Variants in ATRNL1 observed in about 807,000 individuals in gnomAD.
The protein encoded by ATRNL1 is attractin-like protein 1.
Under a neutral mutation model 182.7 loss-of-function variants are expected in ATRNL1, and 95 were observed. The observed-to-expected ratio is 0.52, with a 90% CI of 0.44 to 0.62. The LOEUF (loss-of-function observed/expected upper bound fraction) is 0.62. ATRNL1 is among the 20% of genes least tolerant of loss of function. ATRNL1 has a pLI of 0.00. For missense variants in ATRNL1, 1,471 were observed against 1,679.5 expected (o/e 0.88, Z 2.17); for synonymous variants, 576 against 568.3 (o/e 1.01, Z -0.19).
At chr10:115,381,899 T>C (rs1199051560) in intron 19 of ATRNL1, among the ~76,000 whole-genome samples, 3 of 152,078 alleles carry the variant, frequency 2.0e-5, no homozygotes, top group Non-Finnish European at 4.4e-5. Flanking sequence ...GGAGTCCAAG[T>C]CTATTTTTTT....
At chr10:115,790,744 C>T (rs1482759220) in intron 27 of ATRNL1, among the ~76,000 whole-genome samples, 2 of 151,654 alleles carry the variant, frequency 1.3e-5, no homozygotes, top group Non-Finnish European at 2.9e-5. Context: ...GCTTTTCTAG[C>T]TTTATTCTCT....
intron 9 of ATRNL1, among the ~76,000 whole-genome samples, chr10:115,229,074 A>G (rs1554899364): frequency 6.6e-6 from 1 of 151,998 alleles, no homozygotes; most frequent in Non-Finnish European, 1.5e-5. Context: ...CCCAACTTCA[A>G]TTATATTTCT....
chr10:115,621,917 A>G (rs1481416408), intron 26 of ATRNL1, among the ~76,000 whole-genome samples: 4 of 152,212 alleles, frequency 2.6e-5, no homozygotes, highest in African/African-American at 7.2e-5. Context: ...TATCTAAGTC[A>G]GATCTCAAAT....
intron 20 of ATRNL1, among the ~76,000 whole-genome samples, chr10:115,408,503 AC>A (rs2134329140): frequency 6.6e-6 from 1 of 151,972 alleles, no homozygotes; most frequent in South Asian, 2.1e-4. Context: ...ATAGTTTGCA[AC>A]CCATTCTGTG....
intron 26 of ATRNL1, among the ~76,000 whole-genome samples, chr10:115,675,762 T>C (rs1945841529): frequency 6.6e-6 from 1 of 152,122 alleles, no homozygotes; most frequent in Non-Finnish European, 1.5e-5. Context: ...AGTGCTACTG[T>C]GTGCCAGATA....
chr10:115,568,020 T>C (rs1218149095), intron 26 of ATRNL1, among the ~76,000 whole-genome samples: 1 of 152,146 alleles, frequency 6.6e-6, no homozygotes, highest in Non-Finnish European at 1.5e-5. Flanking sequence ...TAGAATTACT[T>C]ATTTTTTCTT....
chr10:115,121,945 T>C, intron 3 of ATRNL1, 133 bp downstream of exon 3: 1 of 448,336 alleles, frequency 2.2e-6, no homozygotes. Flanking sequence ...TTATAATACT[T>C]TGTTATGTGC....
At chr10:115,207,741 A>T (rs1848856468) in intron 8 of ATRNL1, among the ~76,000 whole-genome samples, 1 of 151,950 alleles carries the variant, frequency 6.6e-6, no homozygotes, top group Non-Finnish European at 1.5e-5. Context: ...GTGGTTTCTG[A>T]TGAAAAGACA....
At chr10:115,279,709 A>G (rs999367787) in intron 13 of ATRNL1, among the ~76,000 whole-genome samples, 1 of 152,192 alleles carries the variant, frequency 6.6e-6, no homozygotes, top group Non-Finnish European at 1.5e-5. Flanking sequence ...GGATACTTAG[A>G]CTTGCTTGCA....
At chr10:115,463,159 T>C (rs1157153349) in intron 22 of ATRNL1, among the ~76,000 whole-genome samples, 3 of 151,926 alleles carry the variant, frequency 2.0e-5, no homozygotes, top group Non-Finnish European at 2.9e-5. Flanking sequence ...ACTTCTTTCC[T>C]TTTAACGTAG....
At chr10:115,368,282 G>A (rs1242706223) in intron 19 of ATRNL1, among the ~76,000 whole-genome samples, 5 of 152,326 alleles carry the variant, frequency 3.3e-5, no homozygotes, top group East Asian at 1.9e-4. Flanking sequence ...GGAGTGACCC[G>A]ATTTTCCAGG....
chr10:115,480,145 G>T (rs1009966521), intron 24 of ATRNL1, among the ~76,000 whole-genome samples: 1 of 150,816 alleles, frequency 6.6e-6, no homozygotes, highest in Non-Finnish European at 1.5e-5. Context: ...GAATCCTAGT[G>T]CTGATGTCTA....
intron 26 of ATRNL1, among the ~76,000 whole-genome samples, chr10:115,689,218 T>G (rs1946314626): frequency 6.6e-6 from 1 of 152,210 alleles, no homozygotes; most frequent in Non-Finnish European, 1.5e-5. Context: ...TAATATGTTT[T>G]GAAGTCAAGT....
At chr10:115,528,001 CCTT>C (rs1565133335) in intron 25 of ATRNL1, among the ~76,000 whole-genome samples, 244 of 12,274 alleles carry the variant, frequency 0.02, 7 homozygotes, top group African/African-American at 0.091. Context: ...TCCCTCCCTT[CCTT>C]CCTTCCTTCC....
intron 5 of ATRNL1, among the ~76,000 whole-genome samples, chr10:115,135,055 T>A (rs1220664639): frequency 6.6e-6 from 1 of 152,026 alleles, no homozygotes. Flanking sequence ...AAGAGGTATT[T>A]ATGACAAACC....
intron 5 of ATRNL1, among the ~76,000 whole-genome samples, chr10:115,148,250 T>A (rs1554879783): frequency 6.6e-6 from 1 of 152,232 alleles, no homozygotes; most frequent in African/African-American, 2.4e-5. Flanking sequence ...GCTAGTTCAT[T>A]ATTTGTGTAT....
rs191843963 is a variant in ATRNL1, at chr10:115,860,527, A to G, written c.4018+12536A>G. Among the ~76,000 whole-genome samples, 24 of 151,614 alleles carry G rather than the reference A, an allele frequency of 1.6e-4. No homozygotes were observed. In the East Asian group the frequency reaches 4.6e-3, roughly 29 times the overall value. On this transcript the variant is annotated intron_variant, in intron 28 of 28. Coordinates refer to ENST00000355044, the MANE Select transcript of ATRNL1 (RefSeq NM_207303.4). ...ATATTAATAGATACATAAAATAGAT[A>G]CATAAAAAAAAATGTATAAATGGGA...
At chr10:115,581,144 C>T (rs1855047614) in intron 26 of ATRNL1, among the ~76,000 whole-genome samples, 1 of 152,168 alleles carries the variant, frequency 6.6e-6, no homozygotes, top group South Asian at 2.1e-4. Flanking sequence ...AACTGTCTCT[C>T]CCTGTGTTAT....
chr10:115,270,776 C>A (rs974477425), intron 13 of ATRNL1, among the ~76,000 whole-genome samples: 1 of 152,052 alleles, frequency 6.6e-6, no homozygotes, highest in East Asian at 1.9e-4. Context: ...AGAACTGCCC[C>A]CTACAGACAT....
Sources: gnomAD v4.1 joint callset for allele counts (sites outside exome capture counted in the v4.1 genomes callset) on GRCh38, gnomAD v4.1.1 for gene constraint, MANE v1.5 for transcripts, NCBI Gene and HGNC (gene_info 2026-07-23, HGNC 2026-07-21) for gene names.